PRAG1: variants seen among roughly 807,000 people sequenced by gnomAD.
The protein encoded by PRAG1 is PEAK1 related, kinase-activating pseudokinase 1, also known as inactive tyrosine-protein kinase PRAG1.
In PRAG1, 110 loss-of-function variants were observed where a neutral mutation model predicts 95.6. That is an observed-to-expected ratio of 1.15 (90% confidence interval 0.99 to 1.35). PRAG1 has a LOEUF of 1.35. Ranked by LOEUF, PRAG1 falls within the 40% of genes most tolerant of loss-of-function variation. The probability of loss-of-function intolerance (pLI) is 0.00; values close to 1 mark genes in which losing one functional copy is unlikely to be tolerated. For synonymous variants in PRAG1, 1,052 were observed against 819.4 expected, an observed-to-expected ratio of 1.28 and a Z score of -4.85; for missense variants, 2,554 against 1,864.7, an observed-to-expected ratio of 1.37 and a Z score of -6.81.
At chr8:8,328,931 C>A (rs1364372448) in intron 4 of PRAG1, among the ~76,000 whole-genome samples, 1 of 152,222 alleles carries the variant, frequency 6.6e-6, no homozygotes, top group Non-Finnish European at 1.5e-5. Flanking sequence ...TAATATATCA[C>A]CATATGCAAG....
chr8:8,348,245 C>T (rs1231559818), intron 3 of PRAG1, among the ~76,000 whole-genome samples: 1 of 152,186 alleles, frequency 6.6e-6, no homozygotes, highest in African/African-American at 2.4e-5. Context: ...TATTTGCAAC[C>T]TTGGTAAAAG....
At chr8:8,336,357 G>A (rs899306115) in intron 4 of PRAG1, among the ~76,000 whole-genome samples, 14 of 152,188 alleles carry the variant, frequency 9.2e-5, no homozygotes, top group African/African-American at 2.9e-4. Context: ...TCCCTCACAC[G>A]TCCAACCATC....
intron 3 of PRAG1, among the ~76,000 whole-genome samples, chr8:8,347,747 G>A (rs1343264749): frequency 6.6e-6 from 1 of 152,022 alleles, no homozygotes; most frequent in African/African-American, 2.4e-5. Flanking sequence ...AGATCCCTGT[G>A]CTTGAACAAA....
At chr8:8,359,153 G>A (rs1799771385) in intron 3 of PRAG1, among the ~76,000 whole-genome samples, 1 of 152,082 alleles carries the variant, frequency 6.6e-6, no homozygotes, top group African/African-American at 2.4e-5. Flanking sequence ...GCTTGAAGAG[G>A]AACTTTTTAC....
intron 5 of PRAG1, among the ~76,000 whole-genome samples, chr8:8,322,772 C>G (rs1256963365): frequency 2.6e-5 from 4 of 152,192 alleles, no homozygotes; most frequent in Non-Finnish European, 5.9e-5. Flanking sequence ...GATAATAACT[C>G]TCTCAACCAA....
intron 5 of PRAG1, 59 bp from the exon 6 acceptor site, chr8:8,319,361 AGT>A (rs1798402371): frequency 7.1e-7 from 1 of 1,410,582 alleles, no homozygotes; most frequent in Non-Finnish European, 9.5e-7. Context: ...CCCAGCAAAG[AGT>A]GTGGAAACAT....
At chr8:8,350,351 A>G (rs573471920) in intron 3 of PRAG1, among the ~76,000 whole-genome samples, 6 of 152,216 alleles carry the variant, frequency 3.9e-5, no homozygotes, top group Non-Finnish European at 7.3e-5. Flanking sequence ...ACCCCTGTAC[A>G]CTACACTTTC....
At chr8:8,378,265 C>T (rs1198659323) in intron 2 of PRAG1, among the ~76,000 whole-genome samples, 187 bp from the exon 3 acceptor site, 2 of 152,334 alleles carry the variant, frequency 1.3e-5, no homozygotes, top group East Asian at 3.9e-4. Flanking sequence ...GTGATCATTG[C>T]TGGGGCACCC....
At chr8:8,351,125 G>A (rs528386267) in intron 3 of PRAG1, among the ~76,000 whole-genome samples, 30 of 152,310 alleles carry the variant, frequency 2.0e-4, no homozygotes, top group African/African-American at 7.0e-4. Context: ...GGCTGTGCAG[G>A]AAGCAAGATG....
In PRAG1 at chr8:8,377,617, A is replaced by G. The variant is rs1800464503; in HGVS notation, c.792T>C (p.Pro264=). ...CSILDCCPGS[P]VAKAASQTAG... ...CAGTCTGGGAGGCAGCCTTGGCAACAGGGCTCCCAGGGCAGCAGTCCAGGA... is the reference window on the plus strand; with the variant it reads ...CAGTCTGGGAGGCAGCCTTGGCAACGGGGCTCCCAGGGCAGCAGTCCAGGA... Residue 264 remains proline, a synonymous_variant, in exon 3 of 6, where the codon CCT becomes CCC. Transcript: ENST00000615670. 6.2e-7 allele frequency: 1 copy of G among 1,613,220 alleles called. No homozygotes were observed. Among genetic ancestry groups the G allele is most frequent in the Non-Finnish European group, 8.5e-7 (1 of 1,179,914 alleles).
chr8:8,320,003 G>C (rs1271780730), intron 5 of PRAG1, among the ~76,000 whole-genome samples: 3 of 152,178 alleles, frequency 2.0e-5, no homozygotes, highest in Non-Finnish European at 4.4e-5. Context: ...ATGTAAAATG[G>C]GGCAGACCCC....
chr8:8,333,010 G>A (rs959571023), intron 4 of PRAG1, among the ~76,000 whole-genome samples: 10 of 152,154 alleles, frequency 6.6e-5, no homozygotes, highest in Non-Finnish European at 8.8e-5. Flanking sequence ...GTTCAGAAAA[G>A]TCTGCCTAAA....
chr8:8,371,371 C>T (rs980057120), intron 3 of PRAG1, among the ~76,000 whole-genome samples: 1 of 151,764 alleles, frequency 6.6e-6, no homozygotes, highest in Non-Finnish European at 1.5e-5. Context: ...CGTCATTCTC[C>T]TGCCTCAGCC....
intron 4 of PRAG1, among the ~76,000 whole-genome samples, chr8:8,336,514 G>C (rs113855567): frequency 2.6e-4 from 40 of 152,272 alleles, no homozygotes; most frequent in African/African-American, 9.6e-4. Flanking sequence ...AATTGAATTG[G>C]ACAAATGGGA....
At position 8,318,654 on chromosome 8, in the gene PRAG1, G is replaced by T; in HGVS notation, c.3721C>A (p.Pro1241Thr). 6.2e-7 allele frequency: 1 copy of T among 1,611,884 alleles called. No homozygotes were observed. The highest frequency in any genetic ancestry group is 8.5e-7 in the Non-Finnish European group (1 of 1,179,868). The change falls in exon 6 of 6, where the codon CCC becomes ACC. Residue 1241 changes from proline (P) to threonine (T), a missense_variant. By Grantham distance (38) the Pro-to-Thr change is conservative (BLOSUM62 -1). Transcript: ENST00000615670. This position sits in a 1 kb window ranked among gnomAD's most constrained non-coding sequence, Gnocchi z 4.2. The part of the protein sequence containing the change: ...QQKKSQARLA[P>T]EIVSASQYRK... ...TACTGGGAAGCAGACACGATCTCGGGGGCCAGCCGGGCCTGGCTCTTCTTC... is the reference window on the plus strand; with the variant it reads ...TACTGGGAAGCAGACACGATCTCGGTGGCCAGCCGGGCCTGGCTCTTCTTC...
chr8:8,372,283 G>A (rs916973838), intron 3 of PRAG1, among the ~76,000 whole-genome samples: 3 of 152,314 alleles, frequency 2.0e-5, no homozygotes, highest in Admixed American at 2.0e-4. Context: ...GCCTCCCTAA[G>A]TGCTGGGATT....
intron 3 of PRAG1, among the ~76,000 whole-genome samples, chr8:8,362,125 C>A (rs1359098671): frequency 6.6e-6 from 1 of 152,220 alleles, no homozygotes; most frequent in Admixed American, 6.5e-5. Context: ...ACACTCTTCA[C>A]TCACTTCGTC....
At chr8:8,357,630 C>A (rs1799722533) in intron 3 of PRAG1, among the ~76,000 whole-genome samples, 1 of 152,150 alleles carries the variant, frequency 6.6e-6, no homozygotes, top group Admixed American at 6.5e-5. Context: ...AACAGTAAGG[C>A]AGTTCCTCAA....
intron 4 of PRAG1, among the ~76,000 whole-genome samples, chr8:8,330,190 C>A (rs1210003171): frequency 6.6e-6 from 1 of 152,052 alleles, no homozygotes; most frequent in African/African-American, 2.4e-5. Flanking sequence ...AAATGGCGAA[C>A]CCCCAACTCT....
Sources: allele counts gnomAD v4.1 joint callset (sites outside exome capture counted in the v4.1 genomes callset), GRCh38; gene constraint gnomAD v4.1.1; non-coding constraint Gnocchi (gnomAD v3.1); transcripts MANE v1.5; gene names NCBI Gene and HGNC (gene_info 2026-07-23, HGNC 2026-07-21).